The following ATG10 variants were observed in gnomAD, a reference collection of about 807,000 sequenced individuals.
ATG10 encodes autophagy related 10, also known as ubiquitin-like-conjugating enzyme ATG10.
Under a neutral mutation model 32.1 loss-of-function variants are expected in ATG10, and 30 were observed. That is an observed-to-expected ratio of 0.94 (90% CI 0.70 to 1.27). ATG10 has a LOEUF of 1.27. ATG10 is among the 50% of genes most tolerant of loss of function. ATG10 has a pLI of 0.00. For synonymous variants in ATG10, 87 were observed against 91.5 expected, an observed-to-expected ratio of 0.95 and a Z score of 0.28; for missense variants, 233 against 262.3, an observed-to-expected ratio of 0.89 and a Z score of 0.77.
chr5:81,994,252 A>AG (rs2149676545), intron 2 of ATG10, among the ~76,000 whole-genome samples: 1 of 152,302 alleles, frequency 6.6e-6, no homozygotes. Flanking sequence ...AGAGTATTCC[A>AG]GGCCCCGCAT....
intron 5 of ATG10, among the ~76,000 whole-genome samples, chr5:82,250,732 C>G (rs1313683525): frequency 6.6e-6 from 1 of 152,240 alleles, no homozygotes; most frequent in Non-Finnish European, 1.5e-5. Flanking sequence ...GCACTGAAAT[C>G]TAAGTTCCAT....
At chr5:82,164,066 C>T (rs1478840491) in intron 3 of ATG10, among the ~76,000 whole-genome samples, 3 of 152,140 alleles carry the variant, frequency 2.0e-5, no homozygotes, top group Non-Finnish European at 4.4e-5. Flanking sequence ...AAGAAGGTAG[C>T]TTATATAGCC....
chr5:82,113,560 C>G (rs1765685268), intron 3 of ATG10, among the ~76,000 whole-genome samples: 1 of 151,888 alleles, frequency 6.6e-6, no homozygotes, highest in Non-Finnish European at 1.5e-5. Context: ...GTGTATTGTA[C>G]TTATTCTCGC....
chr5:82,033,729 A>AACACACACAC (rs59922803), intron 2 of ATG10, among the ~76,000 whole-genome samples: 3 of 146,254 alleles, frequency 2.1e-5, no homozygotes, highest in East Asian at 2.0e-4. Flanking sequence ...ATACTATACA[A>AACACACACAC]ACACACACAC....
At chr5:81,994,926 A>C (rs1241014591) in intron 2 of ATG10, among the ~76,000 whole-genome samples, 1 of 152,226 alleles carries the variant, frequency 6.6e-6, no homozygotes, top group Non-Finnish European at 1.5e-5. Context: ...TAGTTCATCA[A>C]GACTGACATT....
rs141785484 is a variant in ATG10 at position 82,031,874 on chromosome 5, A to G, written c.109-26621A>G. On this transcript the variant is annotated intron_variant, in intron 2 of 7. Coordinates refer to ENST00000282185, the MANE Select transcript of ATG10 (RefSeq NM_031482.5). ...CTACTTGTACCTCCAAATTGTGCTA[A>G]CTATTCTACCTGTTGGCAACACTGT... 1.8e-3 allele frequency among the ~76,000 whole-genome samples: 280 copies of G among 152,376 alleles called. 1 individual carries two copies. The highest frequency in any genetic ancestry group is 6.3e-3 in the African/African-American group (260 of 41,584).
At chr5:81,994,670 T>C (rs565459483) in intron 2 of ATG10, among the ~76,000 whole-genome samples, 3 of 152,360 alleles carry the variant, frequency 2.0e-5, no homozygotes, top group Admixed American at 2.0e-4. Context: ...GCCTCTTTTT[T>C]ACTTAATTTT....
At chr5:81,989,363 A>T (rs1761385821) in intron 2 of ATG10, among the ~76,000 whole-genome samples, 1 of 152,114 alleles carries the variant, frequency 6.6e-6, no homozygotes, top group South Asian at 2.1e-4. Context: ...CACTGGGGAA[A>T]CAAGCCATGA....
rs1160258044 is a variant in ATG10, at chr5:82,142,635, CAT to C, written c.217-21763_217-21762del. 2.6e-5 allele frequency among the ~76,000 whole-genome samples: 4 copies of C among 152,154 alleles called. No individual in the cohort carries two copies. In the East Asian group the frequency reaches 7.7e-4, roughly 29 times the overall value. ...ATATTGACCTGTGTAACTGCATTGTCATGTGCTAGAAAGATACTGTGGCGGCA... is the reference window on the plus strand; with the variant it reads ...ATATTGACCTGTGTAACTGCATTGTCGTGCTAGAAAGATACTGTGGCGGCA... On this transcript the variant is annotated intron_variant, in intron 3 of 7. Transcript: ENST00000282185.
At chr5:81,984,894 G>A (rs1761208154) in intron 1 of ATG10, among the ~76,000 whole-genome samples, 1 of 152,136 alleles carries the variant, frequency 6.6e-6, no homozygotes, top group Admixed American at 6.5e-5. Context: ...CAGTTGAGAT[G>A]GATATATTTT....
chr5:82,042,956 G>A (rs186673102), intron 2 of ATG10, among the ~76,000 whole-genome samples: 54 of 152,270 alleles, frequency 3.5e-4, no homozygotes, highest in Admixed American at 2.8e-3. Flanking sequence ...CCTTTCTGAT[G>A]TATGGAGGAC....
chr5:82,228,757 G>A (rs1228263715), intron 5 of ATG10, among the ~76,000 whole-genome samples: 1 of 152,076 alleles, frequency 6.6e-6, no homozygotes, highest in African/African-American at 2.4e-5. Context: ...TGTGTACCTG[G>A]GGTATATAGA....
chr5:82,048,593 C>T (rs1436556336), intron 2 of ATG10, among the ~76,000 whole-genome samples: 1 of 152,116 alleles, frequency 6.6e-6, no homozygotes, highest in African/African-American at 2.4e-5. Flanking sequence ...AAAGAAACTA[C>T]CATTAGAGTG....
At chr5:82,142,444 G>A (rs539344352) in intron 3 of ATG10, among the ~76,000 whole-genome samples, 2 of 152,246 alleles carry the variant, frequency 1.3e-5, no homozygotes, top group East Asian at 1.9e-4. Context: ...GGGATGGCAC[G>A]TATGTAAAGG....
rs796366408 is a variant in ATG10, at chr5:81,976,815, CA to C, written c.-13+4517del. On this transcript the variant is annotated intron_variant, in intron 1 of 7. Transcript: ENST00000282185. ...GTCATCGCCAAGGTCTGATTTTTCA[CA>C]AAAAAAATTTGCAACCTCCAGCATA... Among the ~76,000 whole-genome samples the C allele has an allele frequency of 2.0e-5, 3 of 152,100 alleles. No homozygotes were observed. In the South Asian group the frequency reaches 6.2e-4, roughly 32 times the overall value.
intron 3 of ATG10, among the ~76,000 whole-genome samples, chr5:82,128,672 CG>C: frequency 8.5e-6 from 1 of 118,022 alleles, no homozygotes; most frequent in South Asian, 3.0e-4. Context: ...TGGGCTTCCC[CG>C]CAAAGGTCTG....
At chr5:82,079,718 G>T (rs12697707) in intron 3 of ATG10, among the ~76,000 whole-genome samples, 1 of 151,850 alleles carries the variant, frequency 6.6e-6, no homozygotes, top group Non-Finnish European at 1.5e-5. Flanking sequence ...TGGCTGCATA[G>T]TAATCCATGG....
chr5:82,229,291 T>G (rs1385413498), intron 5 of ATG10, among the ~76,000 whole-genome samples: 17 of 152,172 alleles, frequency 1.1e-4, no homozygotes, highest in Non-Finnish European at 2.5e-4. Flanking sequence ...CAGGAAAGAA[T>G]AAATGAGCCT....
intron 5 of ATG10, among the ~76,000 whole-genome samples, chr5:82,246,087 T>TTTG (rs1171814964): frequency 6.6e-6 from 1 of 151,716 alleles, no homozygotes; most frequent in Non-Finnish European, 1.5e-5. Context: ...TTTTTTTTTT[T>TTTG]TTGAAACAGA....
Sources: gnomAD v4.1 joint callset for allele counts (sites outside exome capture counted in the v4.1 genomes callset) on GRCh38, gnomAD v4.1.1 for gene constraint, MANE v1.5 for transcripts, NCBI Gene and HGNC (gene_info 2026-07-23, HGNC 2026-07-21) for gene names.